Variants in ZNF230 observed in about 807,000 individuals in gnomAD.
ZNF230 encodes the protein zinc finger protein FDZF2.
In ZNF230, 12 loss-of-function variants were observed where a neutral mutation model predicts 10.0. The observed-to-expected ratio is 1.20, with a 90% CI of 0.77 to 1.95. The LOEUF is 1.95. Ranked by LOEUF, ZNF230 falls within the 30% of genes most tolerant of loss-of-function variation. ZNF230 has a pLI of 0.00. For missense variants in ZNF230, 532 were observed against 565.8 expected (o/e 0.94, Z 0.61); for synonymous variants, 174 against 193.6 (o/e 0.90, Z 0.84).
At position 44,011,073 on chromosome 19, in the gene ZNF230, T is replaced by C; in HGVS notation, c.1034T>C (p.Phe345Ser). 1 of 1,614,168 alleles carries C rather than the reference T, an allele frequency of 6.2e-7. No individual in the cohort carries two copies. The highest frequency in any genetic ancestry group is 1.1e-5 in the South Asian group (1 of 91,086). Residue 345 changes from phenylalanine to serine, a missense_variant, in exon 5 of 5, where the codon TTC becomes TCC. Transcript: ENST00000429154. ...PYNCKECGKSFRWSSYLLIHQ... is the reference protein window; with the variant it reads ...PYNCKECGKSSRWSSYLLIHQ... ...AATTGTAAAGAATGTGGGAAGAGCT[T>C]CAGATGGTCCTCATATCTTTTGATC...
chr19:44,012,094 T>C lies in ZNF230; in HGVS notation c.*630T>C. On this transcript the variant is annotated 3_prime_UTR_variant, in exon 5 of 5. Transcript: ENST00000429154. ...TTTCCTTTGCTTTGGATATACTCAATAGTGGGATTGCTAGATCACTCGAAT... is the reference window on the plus strand; with the variant it reads ...TTTCCTTTGCTTTGGATATACTCAACAGTGGGATTGCTAGATCACTCGAAT... 1 of 263,546 alleles carries C rather than the reference T, an allele frequency of 3.8e-6. No individual in the cohort carries two copies. Among genetic ancestry groups the C allele is most frequent in the Non-Finnish European group, 7.4e-6 (1 of 134,464 alleles). The allele number at this position is 263,546 out of a possible 1,614,324, so 16.3% of individuals were successfully genotyped here.
chr19:44,008,879 C>A lies in ZNF230; in HGVS notation c.105C>A (p.Asp35Glu), dbSNP rs533329297. 3.1e-5 allele frequency: 50 copies of A among 1,614,106 alleles called. No individual in the cohort carries two copies. The South Asian group carries it at 4.4e-4, about 14-fold the overall frequency. The change falls in exon 3 of 5, where the codon GAC (aspartate) becomes GAA (glutamate). Residue 35 changes from aspartate to glutamate, a missense_variant. Physicochemically the swap from Asp to Glu is conservative, Grantham distance 45. Coordinates refer to ENST00000429154, the MANE Select transcript of ZNF230 (RefSeq NM_006300.4). ...CTGCCCAGAGGAAGCTGTACCAAGA[C>A]GTGATGCTTGAGAACTTCACGAACC... ...LDPAQRKLYQ[D>E]VMLENFTNLL...
In ZNF230 at chr19:44,012,391, A is replaced by G. The variant is rs1445060232; in HGVS notation, c.*927A>G. On this transcript the variant is annotated 3_prime_UTR_variant, in exon 5 of 5. Coordinates refer to ENST00000429154, the MANE Select transcript of ZNF230 (RefSeq NM_006300.4). ...TAATTTATCACAGTCCATACTGATAATATATTTCATCCAGGCTTGTAGGAC... is the reference window on the plus strand; with the variant it reads ...TAATTTATCACAGTCCATACTGATAGTATATTTCATCCAGGCTTGTAGGAC... The G allele has an allele frequency of 1.9e-6, 1 of 518,918 alleles. No homozygotes were observed. The highest frequency in any genetic ancestry group is 3.8e-6 in the Non-Finnish European group (1 of 259,854). 32.1% of individuals were successfully genotyped at this position (518,918 alleles called of 1,614,324 possible).
rs1179482301 is a variant in ZNF230 at position 44,012,113 on chromosome 19, C to G, written c.*649C>G. The G allele has an allele frequency of 3.6e-6, 1 of 277,824 alleles. No homozygotes were observed. The highest frequency in any genetic ancestry group is 7.0e-6 in the Non-Finnish European group (1 of 142,372). 17.2% of individuals were successfully genotyped at this position (277,824 alleles called of 1,614,324 possible). Reference sequence around the variant, plus strand: ...ACTCAATAGTGGGATTGCTAGATCACTCGAATCTTATGCCTCAGAGGCTTG... The same window carrying G: ...ACTCAATAGTGGGATTGCTAGATCAGTCGAATCTTATGCCTCAGAGGCTTG... On this transcript the variant is annotated 3_prime_UTR_variant, in exon 5 of 5. Transcript: ENST00000429154.
At chr19:44,010,165 C>A in intron 4 of ZNF230, 104 bp from the exon 5 acceptor site, 1 of 1,101,488 alleles carries the variant, frequency 9.1e-7, no homozygotes, top group Non-Finnish European at 1.3e-6. Context: ...AAAACATAAA[C>A]TGAACATTCA....
In ZNF230 at chr19:44,012,043, G is replaced by A. The variant is rs1346018240; in HGVS notation, c.*579G>A. 2 of 221,022 alleles carry A rather than the reference G, an allele frequency of 9.0e-6. No homozygotes were observed. The highest frequency in any genetic ancestry group is 1.8e-5 in the Non-Finnish European group (2 of 110,186). The allele number at this position is 221,022 out of a possible 1,614,324, so 13.7% of individuals were successfully genotyped here. A position where few individuals can be genotyped will look rare whatever the true frequency, so the allele number is the denominator to read the frequency against. On this transcript the variant is annotated 3_prime_UTR_variant, in exon 5 of 5. Transcript: ENST00000429154. ...GAATAGTGCTCCAATGAACATGGTA[G>A]TGTAGATATCTGATCCACATACTGA...
Position 44,012,469 on chromosome 19 carries a change from C to T in ZNF230, c.*1005C>T. ...GTGTTTCACCATAGCTCAGCATTCT[C>T]CCATCATCCTAGGACCATCGTAGTA... On this transcript the variant is annotated 3_prime_UTR_variant, in exon 5 of 5. Transcript: ENST00000429154. 1.9e-6 allele frequency: 1 copy of T among 519,030 alleles called. No homozygotes were observed. Among genetic ancestry groups the T allele is most frequent in the Non-Finnish European group, 3.8e-6 (1 of 259,866 alleles). 32.2% of individuals were successfully genotyped at this position (519,030 alleles called of 1,614,324 possible). A position where few individuals can be genotyped will look rare whatever the true frequency, so the allele number is the denominator to read the frequency against.
intron 2 of ZNF230, 60 bp downstream of exon 2, chr19:44,007,153 T>C: frequency 1.3e-6 from 2 of 1,555,644 alleles, no homozygotes; most frequent in Non-Finnish European, 1.8e-6. Flanking sequence ...TATTGTCATA[T>C]ATTTTTCTCT....
intron 4 of ZNF230, chr19:44,009,441 A>G (rs539940616): frequency 9.3e-6 from 5 of 535,844 alleles, no homozygotes; most frequent in Admixed American, 6.7e-5. Context: ...TATTAAAGTT[A>G]CAACCTCTTT....
At position 44,012,239 on chromosome 19, in the gene ZNF230, A is replaced by G. The variant is rs1976193533; in HGVS notation, c.*775A>G. The G allele has an allele frequency of 2.7e-6, 1 of 368,930 alleles. No homozygotes were observed. 22.9% of individuals were successfully genotyped at this position (368,930 alleles called of 1,614,324 possible). A position where few individuals can be genotyped will look rare whatever the true frequency, so the allele number is the denominator to read the frequency against. On this transcript the variant is annotated 3_prime_UTR_variant, in exon 5 of 5. Coordinates refer to ENST00000429154, the MANE Select transcript of ZNF230 (RefSeq NM_006300.4). ...GCACCAGAGTGTCCACGTTGGACAG[A>G]ATCCTTAGTAATGAGGTGTGTGATA... is the stretch of plus-strand genomic sequence containing the variant.
rs527463889 is a variant in ZNF230 at position 44,005,862 on chromosome 19, A to G, written c.-68-1149A>G. On this transcript the variant is annotated intron_variant, in intron 1 of 4. Transcript: ENST00000429154. ...TGAGATCGCGCCACTGCACTCCAGCATGGGTGACAGAGCGAGACTCTGTCT... is the reference window on the plus strand; with the variant it reads ...TGAGATCGCGCCACTGCACTCCAGCGTGGGTGACAGAGCGAGACTCTGTCT... 3.1e-4 allele frequency among the ~76,000 whole-genome samples: 47 copies of G among 152,246 alleles called. No individual in the cohort carries two copies. In the South Asian group the frequency reaches 8.9e-3, roughly 29 times the overall value.
intron 4 of ZNF230, chr19:44,009,429 GTTATTAAAGTTACAACCTCT>G: frequency 1.8e-6 from 1 of 542,398 alleles, no homozygotes. Flanking sequence ...GTTTATTAAT[GTTATTAAAGTTACAACCTCT>G]TTATTGGCTT....
In ZNF230 at chr19:44,011,322, G is replaced by A. The variant is rs1362134865; in HGVS notation, c.1283G>A (p.Arg428Lys). ...TTCAAATGTGAGGATTGTGGAAAGA[G>A]GCTTGTACACCGGTCTTTCTGTAAA... The part of the protein sequence containing the change: ...KPFKCEDCGK[R>K]LVHRSFCKDQ... Residue 428 changes from arginine to lysine, a missense_variant, in exon 5 of 5, where the codon AGG becomes AAG. Transcript: ENST00000429154. 28 of 1,613,980 alleles carry A rather than the reference G, an allele frequency of 1.7e-5. No homozygotes were observed. Among genetic ancestry groups the A allele is most frequent in the African/African-American group, 2.7e-5 (2 of 74,908 alleles).
At chr19:44,008,990 G>A in intron 3 of ZNF230, 74 bp downstream of exon 3, 1 of 1,604,164 alleles carries the variant, frequency 6.2e-7, no homozygotes, top group East Asian at 2.2e-5. Flanking sequence ...ATTCAAGTTT[G>A]TGTATGCAGT....
Position 44,010,939 on chromosome 19 carries a change from G to T in ZNF230, c.900G>T (p.Met300Ile). The part of the protein sequence containing the change: ...CLRSSLNRHC[M>I]VHTAEKLYKS... ...GGTCAAGTCTTAATAGGCATTGCATGGTCCACACAGCAGAGAAACTGTACA... is the reference window on the plus strand; with the variant it reads ...GGTCAAGTCTTAATAGGCATTGCATTGTCCACACAGCAGAGAAACTGTACA... The change falls in exon 5 of 5, where the codon ATG (methionine) becomes ATT (isoleucine). Residue 300 changes from methionine to isoleucine, a missense_variant. Coordinates refer to ENST00000429154, the MANE Select transcript of ZNF230 (RefSeq NM_006300.4). The T allele has an allele frequency of 6.2e-7, 1 of 1,614,162 alleles. No individual in the cohort carries two copies. The highest frequency in any genetic ancestry group is 8.5e-7 in the Non-Finnish European group (1 of 1,180,024).
chr19:44,008,445 C>T (rs550653981), intron 2 of ZNF230, among the ~76,000 whole-genome samples: 1 of 152,102 alleles, frequency 6.6e-6, no homozygotes, highest in Non-Finnish European at 1.5e-5. Flanking sequence ...GACAATAAGC[C>T]TCATCAAACA....
chr19:44,005,956 A>G (rs1394674696), intron 1 of ZNF230, among the ~76,000 whole-genome samples: 1 of 152,148 alleles, frequency 6.6e-6, no homozygotes, highest in East Asian at 1.9e-4. Flanking sequence ...AATGCCATTC[A>G]AAGTCCAGTT....
At chr19:44,005,240 G>A (rs977024604) in intron 1 of ZNF230, among the ~76,000 whole-genome samples, 8 of 151,958 alleles carry the variant, frequency 5.3e-5, no homozygotes, top group African/African-American at 1.9e-4. Context: ...ATCCAAATTT[G>A]CCAATTGTTT....
intron 1 of ZNF230, among the ~76,000 whole-genome samples, chr19:44,005,457 G>A (rs544715610): frequency 1.3e-5 from 2 of 152,078 alleles, no homozygotes; most frequent in Non-Finnish European, 2.9e-5. Flanking sequence ...AAATAATATT[G>A]TTATCTATTA....
Sources: gnomAD v4.1 joint callset for allele counts (sites outside exome capture counted in the v4.1 genomes callset) on GRCh38, gnomAD v4.1.1 for gene constraint, MANE v1.5 for transcripts, NCBI Gene and HGNC (gene_info 2026-07-23, HGNC 2026-07-21) for gene names.